Variants in ANK3 observed in about 807,000 individuals in gnomAD.
ANK3 encodes ankyrin-3.
A neutral mutation model predicts 370.9 loss-of-function variants in ANK3; 57 were observed. That is an observed-to-expected ratio of 0.15 (90% confidence interval 0.12 to 0.19). The LOEUF (loss-of-function observed/expected upper bound fraction) is 0.19. Among genes scored for constraint, ANK3 ranks in the 10% least tolerant of loss-of-function variants. The pLI is 1.00. For synonymous variants in ANK3, 1,929 were observed against 1,946.3 expected, an observed-to-expected ratio of 0.99 and a Z score of 0.23; for missense variants, 4,439 against 5,302.1, an observed-to-expected ratio of 0.84 and a Z score of 5.06.
chr10:60,656,761 CT>C (rs1298893015), intron 1 of ANK3, among the ~76,000 whole-genome samples: 13 of 149,540 alleles, frequency 8.7e-5, no homozygotes, highest in South Asian at 8.4e-4. Flanking sequence ...TATCTAATTT[CT>C]TTTTTTTTTC....
Position 60,264,020 on chromosome 10 carries a change from C to G in ANK3, c.514G>C (p.Asp172His). The change falls in exon 6 of 44, where the codon GAT (aspartate) becomes CAT (histidine). Residue 172 changes from aspartate to histidine, a missense_variant and splice_region_variant. By Grantham distance (81) the Asp-to-His change is moderately conservative. This residue lies in a region of ANK3 where 136 missense variants were observed against 230.5 expected (regional missense o/e 0.59). Coordinates refer to ENST00000280772, the MANE Select transcript of ANK3 (RefSeq NM_020987.5). ...NGASQSLATEDGFTPLAVALQ... is the reference protein window; with the variant it reads ...NGASQSLATEHGFTPLAVALQ... ...GCCACTGCCAATGGTGTGAAGCCAT[C>G]CTGCAAATAAATGGATGGGTCAAGA... 1 of 1,613,330 alleles carries G rather than the reference C, an allele frequency of 6.2e-7. No homozygotes were observed. The highest frequency in any genetic ancestry group is 8.5e-7 in the Non-Finnish European group (1 of 1,179,452).
intron 1 of ANK3, among the ~76,000 whole-genome samples, chr10:60,665,741 C>A (rs2078987839): frequency 6.6e-6 from 1 of 152,174 alleles, no homozygotes; most frequent in South Asian, 2.1e-4. Flanking sequence ...CCTAGTATCA[C>A]AGAATAAAAT....
intron 1 of ANK3, among the ~76,000 whole-genome samples, chr10:60,319,046 G>T (rs1444545790): frequency 6.6e-6 from 1 of 152,114 alleles, no homozygotes; most frequent in East Asian, 1.9e-4. Context: ...ATGAGGACTT[G>T]CACTCTTGCT....
intron 2 of ANK3, among the ~76,000 whole-genome samples, chr10:60,418,514 T>C (rs2063715543): frequency 6.6e-6 from 1 of 152,160 alleles, no homozygotes; most frequent in African/African-American, 2.4e-5. Flanking sequence ...ATTCATTTTT[T>C]AATGCCTAGC....
At chr10:60,214,598 G>A (rs2096906610) in intron 8 of ANK3, among the ~76,000 whole-genome samples, 1 of 152,058 alleles carries the variant, frequency 6.6e-6, no homozygotes, top group East Asian at 1.9e-4. Context: ...ACTTATGAGT[G>A]AGAACATGAG....
At chr10:60,383,465 A>G (rs375731397) in intron 1 of ANK3, among the ~76,000 whole-genome samples, 1 of 152,240 alleles carries the variant, frequency 6.6e-6, no homozygotes, top group East Asian at 1.9e-4. Flanking sequence ...CAGAATCTGA[A>G]CTCAGACAAC....
At chr10:60,394,163 C>A (rs1381474871), upstream of ANK3, among the ~76,000 whole-genome samples, 1 of 146,992 alleles carries the variant, frequency 6.8e-6, no homozygotes, top group Non-Finnish European at 1.5e-5. Flanking sequence ...TTATTGGCAT[C>A]CTAGATGATA....
chr10:60,205,433 A>C (rs2096747305), intron 11 of ANK3, among the ~76,000 whole-genome samples: 1 of 152,186 alleles, frequency 6.6e-6, no homozygotes, highest in South Asian at 2.1e-4. Context: ...GTGACAATTA[A>C]AAGTACCTCC....
At chr10:60,577,570 T>C (rs1183421919) in intron 2 of ANK3, among the ~76,000 whole-genome samples, 5 of 152,156 alleles carry the variant, frequency 3.3e-5, no homozygotes, top group African/African-American at 1.2e-4. Flanking sequence ...CTCTCTTGTT[T>C]GCCACCATGT....
chr10:60,648,272 C>A (rs2078738358), intron 1 of ANK3, among the ~76,000 whole-genome samples: 1 of 150,578 alleles, frequency 6.6e-6, no homozygotes, highest in Non-Finnish European at 1.5e-5. Flanking sequence ...CCTACCTCAG[C>A]CTCCCGAGTA....
intron 1 of ANK3, among the ~76,000 whole-genome samples, chr10:60,694,844 G>A (rs1463983041): frequency 5.5e-5 from 8 of 145,756 alleles, no homozygotes; most frequent in African/African-American, 7.6e-5. Context: ...ATCAACTAAC[G>A]AGCAAAATAA....
intron 1 of ANK3, among the ~76,000 whole-genome samples, chr10:60,340,969 A>G (rs556508205): frequency 6.6e-6 from 1 of 152,164 alleles, no homozygotes; most frequent in Non-Finnish European, 1.5e-5. Context: ...AAATGAGCAA[A>G]GTATTAGATC....
chr10:60,225,792 T>C (rs900543474), intron 8 of ANK3, among the ~76,000 whole-genome samples: 1 of 151,988 alleles, frequency 6.6e-6, no homozygotes, highest in African/African-American at 2.4e-5. Context: ...TTTTCCACTC[T>C]GTTCTTTGTG....
At chr10:60,086,993 A>AAT in intron 29 of ANK3, 109 bp from the exon 30 acceptor site, 1 of 348,184 alleles carries the variant, frequency 2.9e-6, no homozygotes, top group East Asian at 3.9e-5. Flanking sequence ...CAGACAACCA[A>AAT]AAAAAAAAAA....
At chr10:60,658,663 C>T (rs2078897765) in intron 1 of ANK3, among the ~76,000 whole-genome samples, 1 of 152,098 alleles carries the variant, frequency 6.6e-6, no homozygotes, top group African/African-American at 2.4e-5. Flanking sequence ...GGTATCATTT[C>T]CCTTCTACCT....
intron 2 of ANK3, among the ~76,000 whole-genome samples, chr10:60,608,771 T>C (rs368258870): frequency 1.6e-4 from 24 of 152,286 alleles, no homozygotes; most frequent in Middle Eastern, 3.4e-3. Flanking sequence ...AAAGTAAGAT[T>C]AACATCCTCA....
chr10:60,601,244 T>C (rs768915934), intron 2 of ANK3, among the ~76,000 whole-genome samples: 7 of 151,638 alleles, frequency 4.6e-5, no homozygotes, highest in African/African-American at 7.3e-5. Context: ...AATGGATCTT[T>C]AACTTCCCAC....
chr10:60,351,605 G>A (rs538422770), intron 1 of ANK3, among the ~76,000 whole-genome samples: 18 of 152,068 alleles, frequency 1.2e-4, no homozygotes, highest in African/African-American at 2.7e-4. Context: ...ACAAACTACC[G>A]GACCATGTAA....
At position 60,029,011 on chromosome 10, in the gene ANK3, ATAC is replaced by A. The variant is rs2072699326; in HGVS notation, c.*832_*834del. On this transcript the variant is annotated 3_prime_UTR_variant, in exon 44 of 44. Coordinates refer to ENST00000280772, the MANE Select transcript of ANK3 (RefSeq NM_020987.5). ...GAAAAGATTTAATCAAAATAAGGTG[ATAC>A]ACATGCATCAAAATATTAGTATTCT... 6.6e-6 allele frequency: 1 copy of A among 152,664 alleles called. No individual in the cohort carries two copies. The highest frequency in any genetic ancestry group is 2.4e-5 in the African/African-American group (1 of 41,452). 9.5% of individuals were successfully genotyped at this position (152,664 alleles called of 1,614,324 possible).
Sources: allele counts gnomAD v4.1 joint callset (sites outside exome capture counted in the v4.1 genomes callset), GRCh38; gene constraint gnomAD v4.1.1; regional missense constraint gnomAD v4.1.1; transcripts MANE v1.5; gene names NCBI Gene and HGNC (gene_info 2026-07-23, HGNC 2026-07-21).